Variants in EPHA6 observed in about 807,000 individuals in gnomAD.
The protein encoded by EPHA6 is EPH receptor A6, also known as ephrin type-A receptor 6.
Under a neutral mutation model 112.0 loss-of-function variants are expected in EPHA6, and 50 were observed. That is an observed-to-expected ratio of 0.45 (90% CI 0.36 to 0.56). EPHA6 has a LOEUF of 0.56. Ranked by LOEUF, EPHA6 falls within the 20% of genes least tolerant of loss-of-function variation. The probability of loss-of-function intolerance (pLI) is 0.00; values close to 1 mark genes in which losing one functional copy is unlikely to be tolerated. For missense variants in EPHA6, 1,280 were observed against 1,417.4 expected (o/e 0.90, Z 1.56); for synonymous variants, 529 against 490.7 (o/e 1.08, Z -1.03).
chr3:97,458,067 CAA>C lies in EPHA6; in HGVS notation c.1894+9362_1894+9363del, dbSNP rs68128372. Among the ~76,000 whole-genome samples the C allele has an allele frequency of 5.8e-3, 294 of 50,500 alleles. 1 individual carries two copies. The highest frequency in any genetic ancestry group is 0.025 in the African/African-American group (274 of 11,052). The allele number at this position is 50,500 out of a possible 152,430, so 33.1% of individuals were successfully genotyped here. On this transcript the variant is annotated intron_variant, in intron 7 of 17. Transcript: ENST00000389672. ...TGGGCGACAGTGCGAGACTCCGTCT[CAA>C]AAAAAAAAAAAAAAAAAAAAAAAAG...
chr3:97,297,337 C>T (rs972364200), intron 5 of EPHA6, among the ~76,000 whole-genome samples: 2 of 152,152 alleles, frequency 1.3e-5, no homozygotes, highest in African/African-American at 4.8e-5. Context: ...TTTAAGCATG[C>T]TTACTTATTC....
At chr3:96,972,946 G>A (rs532492174) in intron 2 of EPHA6, among the ~76,000 whole-genome samples, 1 of 152,262 alleles carries the variant, frequency 6.6e-6, no homozygotes, top group East Asian at 1.9e-4. Context: ...GGATGTATGT[G>A]TCCATTTGCC....
chr3:97,670,331 A>G (rs760701925), intron 14 of EPHA6, among the ~76,000 whole-genome samples: 1 of 152,212 alleles, frequency 6.6e-6, no homozygotes, highest in Non-Finnish European at 1.5e-5. Flanking sequence ...CAAAATTGGG[A>G]AGAAATTTGA....
chr3:97,365,298 C>T (rs1255326783), intron 5 of EPHA6, among the ~76,000 whole-genome samples: 3 of 152,074 alleles, frequency 2.0e-5, no homozygotes, highest in Non-Finnish European at 2.9e-5. Flanking sequence ...AGATGAGCCT[C>T]GAGTTCTATA....
chr3:97,095,248 A>G (rs772299100), intron 3 of EPHA6, among the ~76,000 whole-genome samples: 38 of 152,060 alleles, frequency 2.5e-4, no homozygotes, highest in Middle Eastern at 6.8e-3. Context: ...TTGGAACTGA[A>G]CAATAAGAAC....
rs2085710028 is a variant in EPHA6 at position 97,381,231 on chromosome 3, T to G, written c.1607-23919T>G. Among the ~76,000 whole-genome samples, 5 of 152,108 alleles carry G rather than the reference T, an allele frequency of 3.3e-5. No individual in the cohort carries two copies. The South Asian group carries it at 1.0e-3, about 31-fold the overall frequency. ...AAACATTTTCTCAAAATATAGCTAT[T>G]ATATAAAATTTCTGAAAATATTTAT... On this transcript the variant is annotated intron_variant, in intron 5 of 17. Coordinates refer to ENST00000389672, the MANE Select transcript of EPHA6 (RefSeq NM_001080448.3).
At chr3:97,570,844 G>A (rs1429749271) in intron 11 of EPHA6, among the ~76,000 whole-genome samples, 1 of 152,178 alleles carries the variant, frequency 6.6e-6, no homozygotes, top group African/African-American at 2.4e-5. Context: ...GCCTGAAGCA[G>A]GTGGTGTGCA....
At chr3:97,674,283 T>G (rs1355727841) in intron 14 of EPHA6, among the ~76,000 whole-genome samples, 1 of 152,168 alleles carries the variant, frequency 6.6e-6, no homozygotes, top group Admixed American at 6.5e-5. Flanking sequence ...GCTACATTGG[T>G]TACACCTGCT....
intron 5 of EPHA6, among the ~76,000 whole-genome samples, chr3:97,324,469 C>CTTTCTT (rs1359717466): frequency 8.7e-6 from 1 of 115,434 alleles, no homozygotes; most frequent in Non-Finnish European, 1.9e-5. Flanking sequence ...TTCTTTCTTT[C>CTTTCTT]TTTTTCTTTC....
chr3:97,530,868 G>A (rs1269966228), intron 10 of EPHA6, among the ~76,000 whole-genome samples: 1 of 151,922 alleles, frequency 6.6e-6, no homozygotes, highest in Admixed American at 6.6e-5. Flanking sequence ...ACACCAAAAG[G>A]TAGTTAATAT....
At chr3:97,573,674 G>C (rs755631222) in intron 11 of EPHA6, among the ~76,000 whole-genome samples, 30 of 151,944 alleles carry the variant, frequency 2.0e-4, no homozygotes, top group Non-Finnish European at 3.5e-4. Context: ...ACATGTGCCA[G>C]AGATTTTTAA....
At chr3:97,596,777 CATATATAT>C (rs57541953) in intron 12 of EPHA6, among the ~76,000 whole-genome samples, 10,394 of 106,064 alleles carry the variant, frequency 0.098, 1,124 homozygotes, top group African/African-American at 0.28. Flanking sequence ...AACTCATATA[CATATATAT>C]ATATATATAT....
At chr3:97,323,221 C>T (rs778116092) in intron 5 of EPHA6, among the ~76,000 whole-genome samples, 1 of 151,524 alleles carries the variant, frequency 6.6e-6, no homozygotes, top group African/African-American at 2.4e-5. Flanking sequence ...AAAAGTTCTG[C>T]ATAAATTCTG....
At chr3:96,901,957 T>A (rs2038637908) in intron 2 of EPHA6, among the ~76,000 whole-genome samples, 1 of 152,214 alleles carries the variant, frequency 6.6e-6, no homozygotes, top group South Asian at 2.1e-4. Context: ...ACTTTTTAAC[T>A]ATTGTGCTTA....
chr3:97,748,647 A>T lies in EPHA6; in HGVS notation c.3339A>T (p.Ile1113=). The change falls in exon 18 of 18, where the codon ATA becomes ATT. Residue 1113 remains isoleucine, a synonymous_variant. Coordinates refer to ENST00000389672, the MANE Select transcript of EPHA6 (RefSeq NM_001080448.3). ...ACCAGAGACGAATAGTCAGCAGCAT[A>T]CAGACTTTACGTTTACACATGATGC... ...IGHQRRIVSS[I]QTLRLHMMHI... is the part of the protein sequence containing the mutation. 1 of 1,612,676 alleles carries T rather than the reference A, an allele frequency of 6.2e-7. No individual in the cohort carries two copies. The highest frequency in any genetic ancestry group is 8.5e-7 in the Non-Finnish European group (1 of 1,178,886).
intron 14 of EPHA6, among the ~76,000 whole-genome samples, chr3:97,659,136 G>T (rs1485556650): frequency 1.3e-4 from 20 of 151,858 alleles, no homozygotes; most frequent in Non-Finnish European, 1.5e-5. Context: ...CTTAAATTGG[G>T]ATTCCCATAG....
chr3:96,864,918 TGG>T (rs2036220439), intron 1 of EPHA6, among the ~76,000 whole-genome samples: 1 of 152,066 alleles, frequency 6.6e-6, no homozygotes, highest in Admixed American at 6.6e-5. Flanking sequence ...AAGAGTATTT[TGG>T]AAATACATGT....
intron 5 of EPHA6, among the ~76,000 whole-genome samples, chr3:97,276,274 G>A (rs1245855725): frequency 6.6e-6 from 1 of 152,176 alleles, no homozygotes; most frequent in Non-Finnish European, 1.5e-5. Flanking sequence ...ATCTGGGAAG[G>A]AGTCAGTCAG....
chr3:96,965,665 C>G (rs1460569845), intron 2 of EPHA6, among the ~76,000 whole-genome samples: 2 of 152,000 alleles, frequency 1.3e-5, no homozygotes, highest in Admixed American at 1.3e-4. Context: ...TTTACATAAT[C>G]AAATTTACCA....
Sources: gnomAD v4.1 joint callset for allele counts (sites outside exome capture counted in the v4.1 genomes callset) on GRCh38, gnomAD v4.1.1 for gene constraint, MANE v1.5 for transcripts, NCBI Gene and HGNC (gene_info 2026-07-23, HGNC 2026-07-21) for gene names.